The following CAST variants were observed in gnomAD, a reference collection of about 807,000 sequenced individuals.
The protein encoded by CAST is calpastatin.
A neutral mutation model predicts 119.6 loss-of-function variants in CAST; 76 were observed. The ratio of observed to expected loss-of-function variants is 0.64; its 90% confidence interval spans 0.53 to 0.77. CAST has a LOEUF of 0.77. Among genes scored for constraint, CAST ranks in the 30% least tolerant of loss-of-function variants. The pLI is 0.00. For synonymous variants in CAST, 319 were observed against 331.6 expected (o/e 0.96, Z 0.41); for missense variants, 953 against 946.5 (o/e 1.01, Z -0.09).
chr5:96,618,759 C>T (rs1157445075), intron 1 of CAST, among the ~76,000 whole-genome samples: 2 of 151,654 alleles, frequency 1.3e-5, no homozygotes, highest in South Asian at 2.1e-4. Flanking sequence ...CAGGGCAGGG[C>T]TCGGGACCTG....
At chr5:96,772,495 C>A (rs1400055294) in intron 31 of CAST, 145 bp from the exon 32 acceptor site, 2 of 152,540 alleles carry the variant, frequency 1.3e-5, no homozygotes, top group Non-Finnish European at 2.9e-5. Context: ...AAAAAAAATT[C>A]TATTAATCCA....
At chr5:96,219,069 GA>G in the CAST span, among the ~76,000 whole-genome samples, 1 of 152,116 alleles carries the variant, frequency 6.6e-6, no homozygotes, top group Admixed American at 6.5e-5. Flanking sequence ...CCTGGCACAG[GA>G]TAAGTGCTCA....
At chr5:96,610,943 C>A (rs188806526) in intron 1 of CAST, among the ~76,000 whole-genome samples, 1 of 152,206 alleles carries the variant, frequency 6.6e-6, no homozygotes, top group Admixed American at 6.5e-5. Context: ...CACACACACA[C>A]GCACAGTTAG....
chr5:96,510,896 G>C, the CAST span, among the ~76,000 whole-genome samples: 1 of 152,212 alleles, frequency 6.6e-6, no homozygotes, highest in Non-Finnish European at 1.5e-5. Context: ...TGAGGTGTAT[G>C]TGGGGTTTAT....
chr5:96,540,286 T>C (rs1313182340), intron 1 of CAST, among the ~76,000 whole-genome samples: 1 of 152,138 alleles, frequency 6.6e-6, no homozygotes, highest in East Asian at 1.9e-4. Context: ...CCTATCTCCA[T>C]CTGTTATCAT....
At chr5:96,581,233 T>A (rs1246291339) in intron 1 of CAST, among the ~76,000 whole-genome samples, 1 of 152,012 alleles carries the variant, frequency 6.6e-6, no homozygotes, top group Non-Finnish European at 1.5e-5. Context: ...GCCAACAAGT[T>A]AACCAAAAAG....
At chr5:96,618,403 C>T (rs953636945) in intron 1 of CAST, among the ~76,000 whole-genome samples, 1 of 152,262 alleles carries the variant, frequency 6.6e-6, no homozygotes, top group African/African-American at 2.4e-5. Context: ...TCGGTGTCCA[C>T]TCTGGCCATG....
the CAST span, among the ~76,000 whole-genome samples, chr5:96,044,937 G>A: frequency 6.6e-6 from 1 of 152,238 alleles, no homozygotes; most frequent in African/African-American, 2.4e-5. Flanking sequence ...AATCATAGAA[G>A]TCAAGAGAGT....
the CAST span, among the ~76,000 whole-genome samples, chr5:96,165,447 G>A: frequency 6.6e-6 from 1 of 152,080 alleles, no homozygotes; most frequent in East Asian, 1.9e-4. Context: ...AAGTACTGGG[G>A]TATAATTTCT....
chr5:96,415,103 T>A, the CAST span, among the ~76,000 whole-genome samples: 7 of 152,128 alleles, frequency 4.6e-5, no homozygotes, highest in East Asian at 1.3e-3. Flanking sequence ...AAGCCTGAGG[T>A]TGGGATAGCA....
chr5:96,762,234 A>G, intron 24 of CAST, 40 bp from the exon 25 acceptor site: 1 of 1,346,248 alleles, frequency 7.4e-7, no homozygotes, highest in Non-Finnish European at 1.0e-6. Flanking sequence ...TCATAATTTT[A>G]TATACAACAT....
the CAST span, among the ~76,000 whole-genome samples, chr5:96,236,119 ATCTATCTC>A: frequency 6.3e-4 from 63 of 100,398 alleles, no homozygotes; most frequent in African/African-American, 1.6e-3. Flanking sequence ...CTGTCTATCT[ATCTATCTC>A]TCTATCTATC....
chr5:96,361,830 C>CT, the CAST span, among the ~76,000 whole-genome samples: 2 of 75,360 alleles, frequency 2.7e-5, no homozygotes, highest in South Asian at 4.2e-4. Context: ...TTTTTTGCTT[C>CT]TTTTCTTTTT....
the CAST span, among the ~76,000 whole-genome samples, chr5:96,053,513 A>C: frequency 6.6e-6 from 1 of 152,186 alleles, no homozygotes; most frequent in African/African-American, 2.4e-5. Context: ...GATGAATAGA[A>C]AGACTGCATT....
intron 1 of CAST, among the ~76,000 whole-genome samples, chr5:96,639,483 A>C (rs4254932): frequency 0.18 from 27,331 of 152,196 alleles, 3,156 homozygotes; most frequent in African/African-American, 0.33. Flanking sequence ...TTGTTCAGAA[A>C]CTCATCACTT....
chr5:96,393,363 C>T, the CAST span: 1 of 1,613,838 alleles, frequency 6.2e-7, no homozygotes, highest in Non-Finnish European at 8.5e-7. Flanking sequence ...TTAGGGTTCT[C>T]TTGTGTGGGC....
chr5:95,982,740 T>C, the CAST span, among the ~76,000 whole-genome samples: 1 of 152,254 alleles, frequency 6.6e-6, no homozygotes, highest in Admixed American at 6.5e-5. Flanking sequence ...CAACATATTT[T>C]ACATTTGACA....
chr5:96,393,784 G>A, the CAST span, among the ~76,000 whole-genome samples: 10 of 152,152 alleles, frequency 6.6e-5, no homozygotes, highest in Non-Finnish European at 4.4e-5. Flanking sequence ...CACTGGTTGC[G>A]GTAGCATGGG....
chr5:96,451,330 G>A, the CAST span, among the ~76,000 whole-genome samples: 1 of 152,204 alleles, frequency 6.6e-6, no homozygotes, highest in African/African-American at 2.4e-5. Context: ...AAAGAAATTA[G>A]AAAACTAGTG....
Sources: gnomAD v4.1 joint callset for allele counts (sites outside exome capture counted in the v4.1 genomes callset) on GRCh38, gnomAD v4.1.1 for gene constraint, MANE v1.5 for transcripts, NCBI Gene and HGNC (gene_info 2026-07-23, HGNC 2026-07-21) for gene names.